The following CACNG3 variants were observed in gnomAD, a reference collection of about 807,000 sequenced individuals.
CACNG3 encodes the protein calcium voltage-gated channel auxiliary subunit gamma 3.
Under a neutral mutation model 28.5 loss-of-function variants are expected in CACNG3, and 3 were observed. The ratio of observed to expected loss-of-function variants is 0.11; its 90% confidence interval spans 0.05 to 0.27. The LOEUF is 0.27. CACNG3 is among the 10% of genes least tolerant of loss of function. The pLI, the probability that CACNG3 is intolerant of heterozygous loss-of-function variation, is 1.00. For missense variants in CACNG3, 236 were observed against 414.4 expected (o/e 0.57, Z 3.74); for synonymous variants, 174 against 162.2 (o/e 1.07, Z -0.55).
intron 1 of CACNG3, among the ~76,000 whole-genome samples, chr16:24,273,916 T>C (rs1010165528): frequency 1.3e-5 from 2 of 152,138 alleles, no homozygotes; most frequent in African/African-American, 4.8e-5. Flanking sequence ...GGAAACACTT[T>C]TCTGGAAAAA....
intron 1 of CACNG3, among the ~76,000 whole-genome samples, chr16:24,292,035 G>T (rs905555812): frequency 1.3e-5 from 2 of 152,062 alleles, no homozygotes; most frequent in Non-Finnish European, 2.9e-5. Flanking sequence ...GTGAGGGGTG[G>T]TTATTGACGA....
At chr16:24,332,092 C>G (rs1899638170) in intron 1 of CACNG3, among the ~76,000 whole-genome samples, 2 of 152,188 alleles carry the variant, frequency 1.3e-5, no homozygotes, top group African/African-American at 2.4e-5. Flanking sequence ...ATTTTGTTCA[C>G]TGATAAATTT....
chr16:24,267,990 T>C (rs1309056466), intron 1 of CACNG3, among the ~76,000 whole-genome samples: 1 of 152,182 alleles, frequency 6.6e-6, no homozygotes, highest in Non-Finnish European at 1.5e-5. Flanking sequence ...GGCCAGCCCC[T>C]GAGCATTTAT....
chr16:24,293,984 T>C (rs1178439872), intron 1 of CACNG3, among the ~76,000 whole-genome samples: 1 of 152,156 alleles, frequency 6.6e-6, no homozygotes, highest in Non-Finnish European at 1.5e-5. Context: ...TCCCCATCCA[T>C]CCTCTTCCTC....
At chr16:24,293,639 A>G (rs776969482) in intron 1 of CACNG3, among the ~76,000 whole-genome samples, 4 of 152,138 alleles carry the variant, frequency 2.6e-5, no homozygotes, top group Admixed American at 6.6e-5. Flanking sequence ...TCACTTGCAC[A>G]CTTCAAAACC....
intron 1 of CACNG3, among the ~76,000 whole-genome samples, chr16:24,281,372 G>T (rs540436986): frequency 7.0e-6 from 1 of 142,646 alleles, no homozygotes; most frequent in Admixed American, 6.9e-5. Context: ...TAAATTTTTT[G>T]ACTTTTTTTT....
chr16:24,314,892 G>A (rs1024920118), intron 1 of CACNG3, among the ~76,000 whole-genome samples: 3 of 152,018 alleles, frequency 2.0e-5, no homozygotes, highest in African/African-American at 4.8e-5. Flanking sequence ...TATGATGATC[G>A]AAAAACCAGA....
At chr16:24,274,205 A>C (rs934933805) in intron 1 of CACNG3, among the ~76,000 whole-genome samples, 25 of 150,734 alleles carry the variant, frequency 1.7e-4, no homozygotes, top group African/African-American at 2.7e-4. Flanking sequence ...AAAAAACAAA[A>C]AAAAAAAACT....
chr16:24,337,149 C>T (rs750762689), intron 1 of CACNG3, among the ~76,000 whole-genome samples: 35 of 152,224 alleles, frequency 2.3e-4, no homozygotes, highest in Non-Finnish European at 4.3e-4. Context: ...CTTGAGAGGA[C>T]GTGAGCATTC....
intron 1 of CACNG3, among the ~76,000 whole-genome samples, chr16:24,263,423 C>A (rs1898560543): frequency 6.6e-6 from 1 of 152,182 alleles, no homozygotes; most frequent in African/African-American, 2.4e-5. Context: ...ATGGAAGCAT[C>A]ATCCAATGAA....
chr16:24,333,561 T>G (rs1899661010), intron 1 of CACNG3: 1 of 152,338 alleles, frequency 6.6e-6, no homozygotes, highest in Admixed American at 6.5e-5. Flanking sequence ...GTCCCTATTT[T>G]TGAGTGGACT....
chr16:24,306,873 G>C (rs538254225), intron 1 of CACNG3, among the ~76,000 whole-genome samples: 1 of 152,284 alleles, frequency 6.6e-6, no homozygotes, highest in South Asian at 2.1e-4. Flanking sequence ...CTCTCAACTA[G>C]TAAGAGATCA....
At chr16:24,351,586 A>AGGAAGG (rs367559338) in intron 2 of CACNG3, among the ~76,000 whole-genome samples, 7,064 of 86,358 alleles carry the variant, frequency 0.082, 549 homozygotes, top group Non-Finnish European at 0.12. Context: ...GGAAGGGAAG[A>AGGAAGG]GGAAGGGGAA....
At chr16:24,285,401 C>G (rs567969416) in intron 1 of CACNG3, among the ~76,000 whole-genome samples, 1 of 152,288 alleles carries the variant, frequency 6.6e-6, no homozygotes, top group South Asian at 2.1e-4. Flanking sequence ...AATAATACCC[C>G]CTACTCTATT....
intron 1 of CACNG3, among the ~76,000 whole-genome samples, chr16:24,288,777 C>G (rs749244998): frequency 1.3e-5 from 2 of 152,148 alleles, no homozygotes; most frequent in Non-Finnish European, 2.9e-5. Context: ...GAAAGCAAGG[C>G]TCCCATTTGT....
chr16:24,296,627 AG>A (rs775082016), intron 1 of CACNG3, among the ~76,000 whole-genome samples: 1 of 152,200 alleles, frequency 6.6e-6, no homozygotes, highest in Non-Finnish European at 1.5e-5. Context: ...CTTAAGTAAA[AG>A]TATTAAAGAA....
chr16:24,316,709 G>C (rs569708502), intron 1 of CACNG3, among the ~76,000 whole-genome samples: 74 of 152,322 alleles, frequency 4.9e-4, no homozygotes, highest in African/African-American at 1.7e-3. Flanking sequence ...GGCTGACCCA[G>C]GCTGTCCCTT....
At chr16:24,264,583 G>C (rs995910261) in intron 1 of CACNG3, among the ~76,000 whole-genome samples, 3 of 152,222 alleles carry the variant, frequency 2.0e-5, no homozygotes, top group African/African-American at 7.2e-5. Flanking sequence ...AGCAGTGACA[G>C]CAAACAAGAA....
intron 1 of CACNG3, among the ~76,000 whole-genome samples, chr16:24,327,376 G>A (rs962046459): frequency 1.7e-4 from 25 of 148,214 alleles, no homozygotes; most frequent in African/African-American, 5.9e-4. Flanking sequence ...CCAGGAGTTC[G>A]AAAGCAGCCT....
Sources: allele counts gnomAD v4.1 joint callset (sites outside exome capture counted in the v4.1 genomes callset), GRCh38; gene constraint gnomAD v4.1.1; transcripts MANE v1.5; gene names NCBI Gene and HGNC (gene_info 2026-07-23, HGNC 2026-07-21).